Variants in PRKG1 observed in about 807,000 individuals in gnomAD.
PRKG1 encodes the protein cGMP-dependent protein kinase 1.
PRKG1 carries 35 observed loss-of-function variants against 88.1 expected under a neutral mutation model. That is an observed-to-expected ratio of 0.40 (90% CI 0.30 to 0.53). The LOEUF (loss-of-function observed/expected upper bound fraction) is 0.53, where lower values mean the gene tolerates loss of function less well. PRKG1 is among the 20% of genes least tolerant of loss of function. PRKG1 has a pLI of 0.59. For synonymous variants in PRKG1, 303 were observed against 292.5 expected (o/e 1.04, Z -0.37); for missense variants, 540 against 839.8 (o/e 0.64, Z 4.41).
chr10:51,182,393 G>T (rs2132027247), intron 2 of PRKG1, among the ~76,000 whole-genome samples: 1 of 152,274 alleles, frequency 6.6e-6, no homozygotes, highest in Admixed American at 6.5e-5. Context: ...AGGCCAACAG[G>T]TTCCTGTATC....
intron 5 of PRKG1, among the ~76,000 whole-genome samples, chr10:52,039,745 T>C (rs1270867027): frequency 2.0e-5 from 3 of 152,176 alleles, no homozygotes; most frequent in Non-Finnish European, 4.4e-5. Flanking sequence ...ACTTATTAAA[T>C]ATTCTGTATA....
chr10:51,366,818 T>C (rs1169045244), intron 2 of PRKG1, among the ~76,000 whole-genome samples: 3 of 151,978 alleles, frequency 2.0e-5, no homozygotes, highest in Non-Finnish European at 4.4e-5. Context: ...CTCTCATTAT[T>C]TTAACAGAAA....
At position 51,907,590 on chromosome 10, in the gene PRKG1, G is replaced by A. The variant is rs1452166303; in HGVS notation, c.762+20G>A. On this transcript the variant is annotated intron_variant, in intron 5 of 17. Coordinates refer to ENST00000373980, the MANE Select transcript of PRKG1 (RefSeq NM_006258.4). ...GAAGAGGTAATTGTTTTTAGCCTTTGAACTTTTTGAGATGGGATCCAGCCT... is the reference window on the plus strand; with the variant it reads ...GAAGAGGTAATTGTTTTTAGCCTTTAAACTTTTTGAGATGGGATCCAGCCT... 2 of 1,604,734 alleles carry A rather than the reference G, an allele frequency of 1.2e-6. No homozygotes were observed. The highest frequency in any genetic ancestry group is 2.7e-5 in the African/African-American group (2 of 74,684).
At chr10:52,133,693 T>C (rs1012561772) in intron 7 of PRKG1, 147 bp from the exon 8 acceptor site, 1 of 593,358 alleles carries the variant, frequency 1.7e-6, no homozygotes, top group African/African-American at 1.9e-5. Context: ...TCAAAAAAAA[T>C]TTTGAAACAT....
intron 2 of PRKG1, among the ~76,000 whole-genome samples, chr10:51,350,658 GA>G (rs149441321): frequency 0.062 from 9,431 of 152,180 alleles, 376 homozygotes; most frequent in East Asian, 0.13. Flanking sequence ...CAGATGATAT[GA>G]TCTTATATTT....
chr10:51,580,289 T>C (rs1253977077), intron 3 of PRKG1, among the ~76,000 whole-genome samples: 2 of 152,190 alleles, frequency 1.3e-5, no homozygotes, highest in African/African-American at 4.8e-5. Context: ...TGATCTTTAC[T>C]TATTGTTAAA....
At chr10:52,064,698 G>A (rs1050004989) in intron 7 of PRKG1, among the ~76,000 whole-genome samples, 10 of 152,260 alleles carry the variant, frequency 6.6e-5, no homozygotes, top group Admixed American at 1.3e-4. Context: ...CCACAGTCGT[G>A]GCTTAGGCAG....
chr10:51,849,219 T>C (rs530550247), intron 4 of PRKG1, among the ~76,000 whole-genome samples: 3 of 152,272 alleles, frequency 2.0e-5, no homozygotes, highest in East Asian at 1.9e-4. Flanking sequence ...AGTTAGTACA[T>C]AGGGAAAAGA....
intron 7 of PRKG1, among the ~76,000 whole-genome samples, chr10:52,118,863 CA>C (rs1847749884): frequency 6.6e-6 from 1 of 151,854 alleles, no homozygotes; most frequent in South Asian, 2.1e-4. Flanking sequence ...GAGCATGTAC[CA>C]AAAAACTTTT....
intron 5 of PRKG1, among the ~76,000 whole-genome samples, chr10:52,026,954 G>A (rs1407608971): frequency 6.6e-6 from 1 of 152,114 alleles, no homozygotes; most frequent in Non-Finnish European, 1.5e-5. Context: ...TCCAGCCTGG[G>A]CGACAGAGTA....
intron 4 of PRKG1, among the ~76,000 whole-genome samples, chr10:51,842,220 T>C (rs1231245371): frequency 1.3e-5 from 2 of 152,212 alleles, no homozygotes; most frequent in Non-Finnish European, 2.9e-5. Flanking sequence ...ACAGTCAGCA[T>C]TGCATATCAT....
chr10:51,951,336 A>T (rs916274671), intron 5 of PRKG1, among the ~76,000 whole-genome samples: 63 of 152,360 alleles, frequency 4.1e-4, no homozygotes, highest in African/African-American at 1.5e-3. Flanking sequence ...GCTATGAGGC[A>T]AAAGATTCCT....
intron 3 of PRKG1, chr10:51,697,674 A>T: frequency 3.7e-6 from 6 of 1,609,772 alleles, no homozygotes; most frequent in Non-Finnish European, 4.2e-6. Context: ...ATTTGAGACT[A>T]CAGCCAAATA....
intron 4 of PRKG1, among the ~76,000 whole-genome samples, chr10:51,871,154 T>C (rs1465614574): frequency 3.9e-5 from 6 of 152,242 alleles, no homozygotes; most frequent in African/African-American, 1.4e-4. Context: ...TTGATTTTGC[T>C]ACAGTCTCTC....
At chr10:51,949,890 TATGTC>T (rs1419011690) in intron 5 of PRKG1, among the ~76,000 whole-genome samples, 5 of 152,228 alleles carry the variant, frequency 3.3e-5, no homozygotes. Context: ...GATACATTGT[TATGTC>T]ATGCCATCAA....
At chr10:52,238,735 A>G (rs1840761690) in intron 9 of PRKG1, among the ~76,000 whole-genome samples, 1 of 149,006 alleles carries the variant, frequency 6.7e-6, no homozygotes, top group Non-Finnish European at 1.5e-5. Context: ...ACTGTAAACT[A>G]GTTCAACCAT....
chr10:51,653,276 G>A (rs1414472459), intron 3 of PRKG1, among the ~76,000 whole-genome samples: 2 of 151,926 alleles, frequency 1.3e-5, no homozygotes, highest in Non-Finnish European at 2.9e-5. Flanking sequence ...ATTTTTTTTA[G>A]CAATCTCCAC....
At chr10:51,732,784 G>C (rs996320857) in intron 3 of PRKG1, among the ~76,000 whole-genome samples, 1 of 152,132 alleles carries the variant, frequency 6.6e-6, no homozygotes, top group Non-Finnish European at 1.5e-5. Context: ...AAACTTGTAA[G>C]ATCTCACCTT....
chr10:52,070,685 C>T (rs894961462), intron 7 of PRKG1, among the ~76,000 whole-genome samples: 7 of 152,118 alleles, frequency 4.6e-5, no homozygotes, highest in South Asian at 2.1e-4. Context: ...CTGTGTCATT[C>T]GGTGCTACAT....
Sources: allele counts gnomAD v4.1 joint callset (sites outside exome capture counted in the v4.1 genomes callset), GRCh38; gene constraint gnomAD v4.1.1; transcripts MANE v1.5; gene names NCBI Gene and HGNC (gene_info 2026-07-23, HGNC 2026-07-21).